The following ARL10 variants were observed in gnomAD, a reference collection of about 807,000 sequenced individuals.
ARL10 encodes ARF like GTPase 10.
A neutral mutation model predicts 26.1 loss-of-function variants in ARL10; 23 were observed. The observed-to-expected ratio is 0.88, with a 90% confidence interval of 0.63 to 1.25. ARL10 has a LOEUF of 1.25. ARL10 is among the 50% of genes most tolerant of loss of function. The pLI, the probability that ARL10 is intolerant of heterozygous loss-of-function variation, is 0.00. For missense variants in ARL10, 300 were observed against 323.6 expected (o/e 0.93, Z 0.56); for synonymous variants, 138 against 149.1 (o/e 0.93, Z 0.54).
intron 1 of ARL10, among the ~76,000 whole-genome samples, chr5:176,366,072 C>T (rs1768286589): frequency 3.3e-5 from 5 of 152,268 alleles, no homozygotes; most frequent in Admixed American, 2.0e-4. Flanking sequence ...CGGCTCGCGC[C>T]CCTCCGGCGC....
chr5:176,368,461 T>C lies in ARL10; in HGVS notation c.386-346T>C, dbSNP rs972402719. 1.3e-5 allele frequency among the ~76,000 whole-genome samples: 2 copies of C among 152,008 alleles called. No individual in the cohort carries two copies. The highest frequency in any genetic ancestry group is 4.8e-5 in the African/African-American group (2 of 41,378). The stretch of plus-strand genomic sequence containing the variant: ...ACCTGTGTGTCAGTCCCGTGAAAGG[T>C]ACATCGCACGTGGTACCTGTGGGTT... On this transcript the variant is annotated intron_variant, in intron 2 of 3. Coordinates refer to ENST00000310389, the MANE Select transcript of ARL10 (RefSeq NM_173664.6). This position sits in a 1 kb window ranked among gnomAD's most constrained non-coding sequence, Gnocchi z 4.1.
chr5:176,413,054 G>A, the ARL10 span, among the ~76,000 whole-genome samples: 2,817 of 152,178 alleles, frequency 0.019, 82 homozygotes, highest in African/African-American at 0.065. Context: ...CCTCAGCCTC[G>A]AGAGTGTTCC....
downstream of ARL10, chr5:176,388,750 C>T (rs909726866): frequency 9.6e-6 from 15 of 1,564,528 alleles, no homozygotes; most frequent in Non-Finnish European, 1.2e-5. Flanking sequence ...CGTTTCCCCG[C>T]CCCTTTCATG....
chr5:176,393,571 G>A (rs1439408684), downstream of ARL10, among the ~76,000 whole-genome samples: 1 of 152,164 alleles, frequency 6.6e-6, no homozygotes, highest in African/African-American at 2.4e-5. The surrounding 1 kb of genome is among the most constrained non-coding windows in gnomAD (Gnocchi z 4.4). Context: ...AGGTGTGTAT[G>A]TGATGGAATC....
chr5:176,387,207 G>A (rs1202597955), intron 1 of ARL10, among the ~76,000 whole-genome samples: 1 of 152,106 alleles, frequency 6.6e-6, no homozygotes, highest in African/African-American at 2.4e-5. Flanking sequence ...AGCCTCTCAA[G>A]TAGCTGGGAT....
rs371302401 is a variant in ARL10 at position 176,393,721 on chromosome 5, G to A, written c.134-8020G>A. Among the ~76,000 whole-genome samples the A allele has an allele frequency of 5.3e-5, 8 of 152,114 alleles. No homozygotes were observed. The highest frequency in any genetic ancestry group is 1.2e-4 in the African/African-American group (5 of 41,424). Reference sequence around the variant, plus strand: ...GAATCAAGTTAGGATGAAAACTGGCGGTCCTTCATCAGAAGTTCTGGTTGA... The same window carrying A: ...GAATCAAGTTAGGATGAAAACTGGCAGTCCTTCATCAGAAGTTCTGGTTGA... On this transcript the variant is annotated intron_variant, in intron 1 of 1. Coordinates refer to the ARL10 transcript ENST00000514533. This position sits in a 1 kb window ranked among gnomAD's most constrained non-coding sequence, Gnocchi z 4.4.
chr5:176,410,440 G>T, the ARL10 span: 1 of 649,396 alleles, frequency 1.5e-6, no homozygotes, highest in Non-Finnish European at 2.7e-6. Context: ...AGACATAATG[G>T]ATATATATAT....
At chr5:176,389,348 G>T, downstream of ARL10, 3 of 1,613,404 alleles carry the variant, frequency 1.9e-6, no homozygotes, top group Non-Finnish European at 2.5e-6. Context: ...GGCCACGGCG[G>T]CCGCCCTCAC....
chr5:176,405,647 G>A (rs748338559), downstream of ARL10: 144 of 152,108 alleles, frequency 9.5e-4, no homozygotes, highest in Non-Finnish European at 7.1e-4. Flanking sequence ...ATGAATGAAC[G>A]ACCAAACGTA....
intron 1 of ARL10, among the ~76,000 whole-genome samples, chr5:176,399,858 A>C (rs1756725080): frequency 6.6e-6 from 1 of 151,150 alleles, no homozygotes; most frequent in Admixed American, 6.6e-5. Context: ...AGCCTGGGCC[A>C]CAGAGTGAGA....
rs975547773 is a variant in ARL10, at chr5:176,375,924, G to A, written c.*4029G>A. ...AGTTCCCAGGTCCTGAATATGTGGT[G>A]CCTGAAAGCATAGGTGTAGGCAGTG... On this transcript the variant is annotated 3_prime_UTR_variant, in exon 4 of 4. Transcript: ENST00000310389. 1.3e-5 allele frequency: 2 copies of A among 152,198 alleles called. No individual in the cohort carries two copies. Among genetic ancestry groups the A allele is most frequent in the Non-Finnish European group, 2.9e-5 (2 of 68,040 alleles). The allele number at this position is 152,198 out of a possible 1,614,324, so 9.4% of individuals were successfully genotyped here.
At chr5:176,414,917 G>C in the ARL10 span, among the ~76,000 whole-genome samples, 4 of 152,278 alleles carry the variant, frequency 2.6e-5, no homozygotes, top group African/African-American at 7.2e-5. Context: ...AGTAAACGTT[G>C]AATGGATACA....
downstream of ARL10, chr5:176,388,642 T>C (rs1289031394): frequency 1.2e-5 from 17 of 1,360,938 alleles, no homozygotes; most frequent in Non-Finnish European, 1.7e-5. Flanking sequence ...TTGCGGGCAT[T>C]TGGGGAAATG....
downstream of ARL10, among the ~76,000 whole-genome samples, chr5:176,403,209 C>T (rs920746489): frequency 6.6e-5 from 10 of 151,986 alleles, no homozygotes; most frequent in Admixed American, 3.9e-4. Flanking sequence ...GCCACCACAC[C>T]TGGCTACTTT....
At chr5:176,385,347 G>A (rs529461237), downstream of ARL10, 137 of 1,372,188 alleles carry the variant, frequency 1.0e-4, 2 homozygotes, top group South Asian at 1.3e-3. Context: ...TGAGAGAAGC[G>A]GGGAGACAGG....
intron 1 of ARL10, chr5:176,396,579 G>A (rs1255833584): frequency 7.1e-7 from 1 of 1,404,446 alleles, no homozygotes; most frequent in East Asian, 2.3e-5. Flanking sequence ...GAAGGCAGAT[G>A]GCAAGACAGA....
At chr5:176,371,657 C>T (rs970429841) in intron 3 of ARL10, 65 bp from the exon 4 acceptor site, 34 of 1,409,030 alleles carry the variant, frequency 2.4e-5, no homozygotes, top group Non-Finnish European at 3.0e-5. Flanking sequence ...GTTTCATGAA[C>T]GACAAGGGTG....
chr5:176,387,465 C>T (rs1162928310), intron 1 of ARL10, among the ~76,000 whole-genome samples: 1 of 152,214 alleles, frequency 6.6e-6, no homozygotes, highest in African/African-American at 2.4e-5. Context: ...TGAATTTGTT[C>T]CATTGCCTTA....
At chr5:176,387,729 C>T (rs773839484) in intron 1 of ARL10, among the ~76,000 whole-genome samples, 2 of 152,168 alleles carry the variant, frequency 1.3e-5, no homozygotes, top group Non-Finnish European at 2.9e-5. Flanking sequence ...TAGCGAAACC[C>T]TGCCTCTACT....
Sources: gnomAD v4.1 joint callset for allele counts (sites outside exome capture counted in the v4.1 genomes callset) on GRCh38, gnomAD v4.1.1 for gene constraint, Gnocchi (gnomAD v3.1) non-coding constraint, MANE v1.5 for transcripts, NCBI Gene and HGNC (gene_info 2026-07-23, HGNC 2026-07-21) for gene names.